Variants in RNF43 observed in about 807,000 individuals in gnomAD.
The protein encoded by RNF43 is E3 ubiquitin-protein ligase RNF43.
In RNF43, 37 loss-of-function variants were observed where a neutral mutation model predicts 78.4. The ratio of observed to expected loss-of-function variants is 0.47; its 90% CI spans 0.36 to 0.62. The LOEUF (loss-of-function observed/expected upper bound fraction) is 0.62, where lower values mean the gene tolerates loss of function less well. Among genes scored for constraint, RNF43 ranks in the 20% least tolerant of loss-of-function variants. The probability of loss-of-function intolerance (pLI) is 0.00; values close to 1 mark genes in which losing one functional copy is unlikely to be tolerated. For missense variants in RNF43, 774 were observed against 1,007.9 expected (o/e 0.77, Z 3.14); for synonymous variants, 347 against 395.0 (o/e 0.88, Z 1.44).
intron 2 of RNF43, among the ~76,000 whole-genome samples, chr17:58,382,030 C>T (rs1973331794): frequency 6.6e-6 from 1 of 152,146 alleles, no homozygotes; most frequent in South Asian, 2.1e-4. Flanking sequence ...GGGCCCTTCT[C>T]CAATCCTTTG....
At chr17:58,356,926 C>A in intron 9 of RNF43, 1 of 243,920 alleles carries the variant, frequency 4.1e-6, no homozygotes, top group Non-Finnish European at 7.8e-6. Flanking sequence ...TGGAGTCTCA[C>A]CCTGTTACCC....
At chr17:58,409,512 A>G (rs1387028491) in intron 2 of RNF43, among the ~76,000 whole-genome samples, 1 of 152,212 alleles carries the variant, frequency 6.6e-6, no homozygotes, top group African/African-American at 2.4e-5. Flanking sequence ...TTTTAATAAA[A>G]CAAAAACAAA....
At chr17:58,393,417 A>AT (rs1335682122) in intron 2 of RNF43, among the ~76,000 whole-genome samples, 14 of 152,270 alleles carry the variant, frequency 9.2e-5, no homozygotes, top group South Asian at 4.1e-4. Flanking sequence ...CAAAAAAAAA[A>AT]TTCTCTTATG....
chr17:58,383,054 T>C (rs1018576188), intron 2 of RNF43, among the ~76,000 whole-genome samples: 23 of 152,352 alleles, frequency 1.5e-4, no homozygotes, highest in Non-Finnish European at 2.6e-4. Context: ...CTTCAGGCCA[T>C]AGTGTCAGCT....
chr17:58,389,704 C>T (rs1012631850), intron 2 of RNF43, among the ~76,000 whole-genome samples: 2 of 152,220 alleles, frequency 1.3e-5, no homozygotes, highest in African/African-American at 4.8e-5. Context: ...TTAACCAGGG[C>T]ATTGAATTGA....
intron 2 of RNF43, among the ~76,000 whole-genome samples, chr17:58,405,714 G>C (rs1973894266): frequency 7.0e-6 from 1 of 143,498 alleles, no homozygotes; most frequent in African/African-American, 2.7e-5. Context: ...AAGAAAGAAA[G>C]AAAGAAAGAA....
intron 3 of RNF43, among the ~76,000 whole-genome samples, chr17:58,367,720 T>C (rs540905373): frequency 6.6e-6 from 1 of 152,004 alleles, no homozygotes; most frequent in South Asian, 2.1e-4. Flanking sequence ...GTGGAGGGGA[T>C]AGTGGGGTGG....
rs368379005 is a variant in RNF43, at chr17:58,415,498, C to A, written c.80G>T (p.Arg27Leu). ...LMATLQAGFG[R>L]TGLVLAAAVE... is the part of the protein sequence containing the mutation. ...CGCTGCTGCCAGTACCAGTCCTGTG[C>A]GTCCAAAGCCTGCCTGCAGGGTAGC... Residue 27 changes from arginine to leucine, a missense_variant, in exon 2 of 10, where the codon CGC becomes CTC. Arg to Leu is a moderately radical substitution (Grantham distance 102). Transcript: ENST00000407977. The A allele has an allele frequency of 2.5e-6, 4 of 1,613,216 alleles. No homozygotes were observed. Among genetic ancestry groups the A allele is most frequent in the South Asian group, 2.2e-5 (2 of 91,088 alleles).
intron 2 of RNF43, among the ~76,000 whole-genome samples, chr17:58,395,743 T>C (rs538955669): frequency 1.3e-5 from 2 of 152,216 alleles, no homozygotes; most frequent in Non-Finnish European, 2.9e-5. Flanking sequence ...GAAACTACTT[T>C]CTAAACAAAC....
At chr17:58,375,262 T>A (rs1973184030) in intron 2 of RNF43, among the ~76,000 whole-genome samples, 1 of 152,180 alleles carries the variant, frequency 6.6e-6, no homozygotes, top group Admixed American at 6.5e-5. Flanking sequence ...AGGCTCCTCA[T>A]AGCTCCTGAA....
At chr17:58,383,265 G>A (rs1231085045) in intron 2 of RNF43, among the ~76,000 whole-genome samples, 1 of 152,068 alleles carries the variant, frequency 6.6e-6, no homozygotes, top group Non-Finnish European at 1.5e-5. Flanking sequence ...AAAAGAGGAT[G>A]TATCTGAAGC....
intron 2 of RNF43, among the ~76,000 whole-genome samples, chr17:58,378,478 A>T (rs1973251220): frequency 6.6e-6 from 1 of 152,194 alleles, no homozygotes; most frequent in African/African-American, 2.4e-5. Flanking sequence ...GCTGGTCTTG[A>T]ACTCCTGGGC....
chr17:58,356,679 CGTT>C (rs1364127885), intron 9 of RNF43, among the ~76,000 whole-genome samples: 2 of 151,966 alleles, frequency 1.3e-5, no homozygotes, highest in Non-Finnish European at 2.9e-5. Flanking sequence ...TCTTTTTTCT[CGTT>C]GTTCACATAG....
chr17:58,355,721 AGTGTAAG>A, intron 9 of RNF43, among the ~76,000 whole-genome samples: 1 of 152,176 alleles, frequency 6.6e-6, no homozygotes, highest in South Asian at 2.1e-4. Flanking sequence ...TGGACAGTTT[AGTGTAAG>A]GCAGATGACG....
At chr17:58,363,234 G>C (rs1972877831) in intron 5 of RNF43, 41 bp downstream of exon 5, 1 of 1,606,942 alleles carries the variant, frequency 6.2e-7, no homozygotes, top group South Asian at 1.1e-5. Context: ...GACAAAGTAG[G>C]GCTAAGTGCA....
chr17:58,405,700 C>CAGGAAGAAAGAA (rs1973892606), intron 2 of RNF43, among the ~76,000 whole-genome samples: 1 of 110,158 alleles, frequency 9.1e-6, no homozygotes, highest in East Asian at 2.5e-4. Flanking sequence ...TCTCTAATGA[C>CAGGAAGAAAGAA]AGAAAGAAAG....
chr17:58,363,481 C>T (rs926765108), intron 4 of RNF43, 45 bp downstream of exon 4: 3 of 1,612,344 alleles, frequency 1.9e-6, no homozygotes, highest in South Asian at 2.2e-5. Context: ...GCTTTATCTT[C>T]CTCCATCCAG....
intron 3 of RNF43, among the ~76,000 whole-genome samples, chr17:58,368,747 T>C (rs561035182): frequency 4.7e-4 from 72 of 151,676 alleles, no homozygotes; most frequent in African/African-American, 1.7e-3. Context: ...AAAACAGATG[T>C]TCTACCAAAC....
intron 2 of RNF43, among the ~76,000 whole-genome samples, chr17:58,404,065 G>A (rs552984386): frequency 1.3e-5 from 2 of 152,270 alleles, no homozygotes; most frequent in African/African-American, 2.4e-5. Context: ...CCAGAGAAAG[G>A]CTCCTTTTTT....
Sources: gnomAD v4.1 joint callset for allele counts (sites outside exome capture counted in the v4.1 genomes callset) on GRCh38, gnomAD v4.1.1 for gene constraint, MANE v1.5 for transcripts, NCBI Gene and HGNC (gene_info 2026-07-23, HGNC 2026-07-21) for gene names.